The following DPH6 variants were observed in gnomAD, a reference collection of about 807,000 sequenced individuals.
The protein encoded by DPH6 is diphthamine biosynthesis 6, also known as diphthine--ammonia ligase.
DPH6 carries 33 observed loss-of-function variants against 38.2 expected under a neutral mutation model. The observed-to-expected ratio is 0.86, with a 90% confidence interval of 0.65 to 1.15. DPH6 has a LOEUF of 1.15. Ranked by LOEUF, DPH6 falls within the 50% of genes most tolerant of loss-of-function variation. DPH6 has a pLI of 0.00. For synonymous variants in DPH6, 108 were observed against 103.0 expected (o/e 1.05, Z -0.30); for missense variants, 325 against 320.0 (o/e 1.02, Z -0.12).
intron 3 of DPH6, among the ~76,000 whole-genome samples, chr15:35,314,299 T>C (rs750628622): frequency 2.6e-5 from 4 of 152,208 alleles, no homozygotes; most frequent in Non-Finnish European, 5.9e-5. Context: ...TTTAAATACA[T>C]GTGGTTATGT....
At chr15:35,190,435 G>A in the DPH6 span, among the ~76,000 whole-genome samples, 1 of 152,334 alleles carries the variant, frequency 6.6e-6, no homozygotes, top group South Asian at 2.1e-4. Flanking sequence ...ATCATAGGGA[G>A]CTGAAGTGGG....
chr15:35,269,550 C>T (rs1375449905), intron 3 of DPH6, among the ~76,000 whole-genome samples: 3 of 152,036 alleles, frequency 2.0e-5, no homozygotes, highest in Non-Finnish European at 4.4e-5. Flanking sequence ...CATTCTCCTG[C>T]CTCAGCCTCC....
At chr15:35,149,264 G>A in the DPH6 span, among the ~76,000 whole-genome samples, 2 of 152,204 alleles carry the variant, frequency 1.3e-5, no homozygotes, top group Admixed American at 1.3e-4. Flanking sequence ...TTGAGATGGA[G>A]TCTCTCTCTG....
At chr15:35,456,729 A>G (rs1435087924) in intron 3 of DPH6, among the ~76,000 whole-genome samples, 1 of 151,742 alleles carries the variant, frequency 6.6e-6, no homozygotes, top group Non-Finnish European at 1.5e-5. Context: ...CTGGTGATCC[A>G]CCTGCCTCGG....
chr15:35,295,952 C>T lies in DPH6; in HGVS notation n.201-75370G>A, dbSNP rs186984438. Among the ~76,000 whole-genome samples the T allele has an allele frequency of 9.3e-3, 1,405 of 150,860 alleles. 12 individuals are homozygous for T. The highest frequency in any genetic ancestry group is 0.016 in the Non-Finnish European group (1,058 of 67,788). ...TTATTTTATTTTTGAGATAGAGTCT[C>T]GCTCTATCTCAAAAATAAAGCACTC... On this transcript the variant is annotated intron_variant and non_coding_transcript_variant, in intron 3 of 3. Transcript: ENST00000560386.
At chr15:35,455,170 G>A (rs8030971) in intron 3 of DPH6, among the ~76,000 whole-genome samples, 106,509 of 152,022 alleles carry the variant, frequency 0.7, 38,730 homozygotes, top group South Asian at 0.84. Flanking sequence ...TTTAAGGACA[G>A]TATTTTCCCA....
At chr15:35,206,214 A>AT in the DPH6 span, among the ~76,000 whole-genome samples, 1 of 152,180 alleles carries the variant, frequency 6.6e-6, no homozygotes, top group Non-Finnish European at 1.5e-5. Context: ...ACCAGTGTGA[A>AT]TATGATTTTG....
intron 3 of DPH6, among the ~76,000 whole-genome samples, chr15:35,467,125 T>C (rs1018675594): frequency 3.3e-5 from 5 of 152,258 alleles, no homozygotes; most frequent in African/African-American, 1.2e-4. Flanking sequence ...AATTAACTTT[T>C]TAATCTGTTT....
At chr15:35,338,679 T>C (rs1160336765) in intron 3 of DPH6, among the ~76,000 whole-genome samples, 1 of 152,168 alleles carries the variant, frequency 6.6e-6, no homozygotes, top group East Asian at 1.9e-4. Context: ...ATCCCATTAC[T>C]GGGTATATAC....
intron 3 of DPH6, among the ~76,000 whole-genome samples, chr15:35,305,856 T>C (rs1595469608): frequency 1.3e-5 from 2 of 152,156 alleles, no homozygotes; most frequent in African/African-American, 4.8e-5. Context: ...AAATCGAGTC[T>C]TATAATTTTG....
At chr15:35,191,666 T>C in the DPH6 span, among the ~76,000 whole-genome samples, 4 of 152,216 alleles carry the variant, frequency 2.6e-5, no homozygotes, top group African/African-American at 7.2e-5. Flanking sequence ...GTTTTTTGAA[T>C]AGACATAGAA....
chr15:35,450,807 CAAAAGA>C lies in DPH6; in HGVS notation c.387-10_387-5del, dbSNP rs758988542. 7 of 1,580,720 alleles carry C rather than the reference CAAAAGA, an allele frequency of 4.4e-6. No individual in the cohort carries two copies. Among genetic ancestry groups the C allele is most frequent in the South Asian group, 2.4e-5 (2 of 85,004 alleles). On this transcript the variant is annotated splice_polypyrimidine_tract_variant and splice_region_variant and intron_variant, in intron 4 of 8. Transcript: ENST00000256538. ...CTGGAGATTAAGCCTTTTACACCTA[CAAAAGA>C]AAAAGAAAAAGAAAGTCAGATGATC...
At chr15:35,522,895 C>T (rs527829708) in intron 3 of DPH6, among the ~76,000 whole-genome samples, 1 of 152,154 alleles carries the variant, frequency 6.6e-6, no homozygotes, top group Non-Finnish European at 1.5e-5. Flanking sequence ...AATCTGTTTC[C>T]TTCTCTTAAA....
At chr15:35,146,368 T>C in the DPH6 span, among the ~76,000 whole-genome samples, 1 of 152,212 alleles carries the variant, frequency 6.6e-6, no homozygotes, top group Non-Finnish European at 1.5e-5. Flanking sequence ...CTGAATGTTA[T>C]GGGTATTGCA....
At chr15:35,369,358 C>T (rs1218566774), downstream of DPH6, among the ~76,000 whole-genome samples, 1 of 151,602 alleles carries the variant, frequency 6.6e-6, no homozygotes, top group East Asian at 1.9e-4. Context: ...AATGTTAATT[C>T]GTTAAGATGC....
In DPH6 at chr15:35,373,523, T is replaced by C. The variant is rs2052739893; in HGVS notation, c.748A>G (p.Lys250Glu). The stretch of plus-strand genomic sequence containing the variant: ...CTGTGAATCTTAGATTTACTTGCCT[T>C]GTCCTCCAAGTGCAATTCTAAAAAG... ...LRFLELHLED[K>E]VSSVPDNYRT... Residue 250 changes from lysine to glutamate, a missense_variant and splice_region_variant, in exon 8 of 9, where the codon AAG (lysine) becomes GAG (glutamate). Physicochemically the swap from Lys to Glu is moderately conservative, Grantham distance 56 (BLOSUM62 1). Transcript: ENST00000256538. 1.2e-6 allele frequency: 2 copies of C among 1,600,810 alleles called. No homozygotes were observed.
chr15:35,179,209 A>ATC, the DPH6 span, among the ~76,000 whole-genome samples: 2 of 145,506 alleles, frequency 1.4e-5, no homozygotes, highest in Admixed American at 8.1e-5. Flanking sequence ...TCTGTCAAAA[A>ATC]AAAAAAAAAA....
At chr15:35,146,638 T>C in the DPH6 span, among the ~76,000 whole-genome samples, 1 of 152,180 alleles carries the variant, frequency 6.6e-6, no homozygotes, top group Non-Finnish European at 1.5e-5. Context: ...CCTAGAATAA[T>C]CATGTTGATC....
In DPH6 at chr15:35,468,810, GTAAT is replaced by G. The variant is rs1182786890; in HGVS notation, c.313-13994_313-13991del. On this transcript the variant is annotated intron_variant, in intron 3 of 8. Transcript: ENST00000256538. ...AGGCTGGGCGCGGTGGCTCATGCCA[GTAAT>G]CCCAGCACTTTGGGAGGCTGAGGCA... Among the ~76,000 whole-genome samples the G allele has an allele frequency of 2.0e-5, 3 of 152,218 alleles. No individual in the cohort carries two copies. The East Asian group carries it at 5.8e-4, about 29-fold the overall frequency.
Sources: allele counts gnomAD v4.1 joint callset (sites outside exome capture counted in the v4.1 genomes callset), GRCh38; gene constraint gnomAD v4.1.1; transcripts MANE v1.5; gene names NCBI Gene and HGNC (gene_info 2026-07-23, HGNC 2026-07-21).